CNTNAP5: variants seen among roughly 807,000 people sequenced by gnomAD.
CNTNAP5 encodes the protein contactin-associated protein-like 5.
In CNTNAP5, 72 loss-of-function variants were observed where a neutral mutation model predicts 150.2. The ratio of observed to expected loss-of-function variants is 0.48; its 90% CI spans 0.40 to 0.58. CNTNAP5 has a LOEUF of 0.58. Among genes scored for constraint, CNTNAP5 ranks in the 20% least tolerant of loss-of-function variants. The probability of loss-of-function intolerance (pLI) is 0.00; values close to 1 mark genes in which losing one functional copy is unlikely to be tolerated. For synonymous variants in CNTNAP5, 672 were observed against 619.8 expected (o/e 1.08, Z -1.25); for missense variants, 1,636 against 1,626.2 (o/e 1.01, Z -0.10).
chr2:124,913,647 GT>G (rs1213243600), intron 23 of CNTNAP5, among the ~76,000 whole-genome samples: 1 of 152,076 alleles, frequency 6.6e-6, no homozygotes, highest in Non-Finnish European at 1.5e-5. Flanking sequence ...GAGAGCATGT[GT>G]TAAGATGTGA....
At chr2:124,684,981 G>T (rs1191631989) in intron 13 of CNTNAP5, among the ~76,000 whole-genome samples, 1 of 152,082 alleles carries the variant, frequency 6.6e-6, no homozygotes, top group Non-Finnish European at 1.5e-5. Flanking sequence ...ACAGATGGTA[G>T]CCCTCAACAG....
chr2:124,350,492 T>C (rs1323940326), intron 3 of CNTNAP5, among the ~76,000 whole-genome samples: 2 of 151,738 alleles, frequency 1.3e-5, no homozygotes, highest in African/African-American at 2.4e-5. Flanking sequence ...TGGTCAGTTC[T>C]TACGCCTTCA....
chr2:124,786,542 G>A (rs1432108645), intron 17 of CNTNAP5, among the ~76,000 whole-genome samples: 1 of 147,490 alleles, frequency 6.8e-6, no homozygotes, highest in African/African-American at 2.6e-5. Flanking sequence ...AGGAAAGAAA[G>A]AGAAAGGAAA....
chr2:124,045,902 G>T (rs11689672), intron 1 of CNTNAP5, among the ~76,000 whole-genome samples: 11,606 of 152,210 alleles, frequency 0.076, 588 homozygotes, highest in Non-Finnish European at 0.12. Flanking sequence ...TTGTTTAAGA[G>T]GTGTTGTGAA....
chr2:124,865,250 CTT>C lies in CNTNAP5; in HGVS notation c.3218-54_3218-53del, dbSNP rs1677606822. ...CAATTAAAAGATAATCTGATCATGTCTTTGCATTTTATAGGTGCTGCTTTATA... is the reference window on the plus strand; with the variant it reads ...CAATTAAAAGATAATCTGATCATGTCTGCATTTTATAGGTGCTGCTTTATA... On this transcript the variant is annotated intron_variant, in intron 19 of 23. Transcript: ENST00000682447. 7.8e-6 allele frequency: 11 copies of C among 1,408,046 alleles called. No individual in the cohort carries two copies. The South Asian group carries it at 1.3e-4, about 17-fold the overall frequency. The allele number at this position is 1,408,046 out of a possible 1,614,324, so 87.2% of individuals were successfully genotyped here.
At chr2:124,906,375 T>G (rs894424006) in intron 22 of CNTNAP5, among the ~76,000 whole-genome samples, 3 of 152,144 alleles carry the variant, frequency 2.0e-5, no homozygotes, top group African/African-American at 2.4e-5. Context: ...AGATGTTTGA[T>G]AAAGCTCCCA....
At chr2:124,173,504 T>C (rs1163745625) in intron 1 of CNTNAP5, among the ~76,000 whole-genome samples, 1 of 152,206 alleles carries the variant, frequency 6.6e-6, no homozygotes, top group South Asian at 2.1e-4. Flanking sequence ...GCCTCGAAAA[T>C]GTTAGTAGTC....
chr2:124,320,405 T>C (rs1430247185), intron 3 of CNTNAP5, among the ~76,000 whole-genome samples: 1 of 152,174 alleles, frequency 6.6e-6, no homozygotes, highest in Non-Finnish European at 1.5e-5. Context: ...CTAATAGTAA[T>C]ATTGAAGAAC....
intron 6 of CNTNAP5, among the ~76,000 whole-genome samples, chr2:124,461,158 C>G (rs533789555): frequency 3.3e-5 from 5 of 152,014 alleles, no homozygotes; most frequent in African/African-American, 9.6e-5. Context: ...ACCATTTGAC[C>G]CAGCCATCCC....
intron 14 of CNTNAP5, among the ~76,000 whole-genome samples, chr2:124,760,314 G>T (rs1680930846): frequency 6.6e-6 from 1 of 151,784 alleles, no homozygotes; most frequent in South Asian, 2.1e-4. Context: ...GGACACAAAA[G>T]AGGGGAAAAA....
chr2:124,584,749 T>C (rs997676458), intron 11 of CNTNAP5, among the ~76,000 whole-genome samples: 6 of 152,244 alleles, frequency 3.9e-5, no homozygotes, highest in African/African-American at 1.4e-4. Flanking sequence ...GTATAATTAT[T>C]TCCAAGGATG....
intron 13 of CNTNAP5, among the ~76,000 whole-genome samples, chr2:124,659,548 A>G (rs1001922443): frequency 1.3e-5 from 2 of 152,152 alleles, no homozygotes; most frequent in African/African-American, 4.8e-5. Context: ...CGAAATAGCT[A>G]ACATATTGAC....
chr2:124,414,322 G>A (rs1691863001), intron 3 of CNTNAP5, among the ~76,000 whole-genome samples: 1 of 151,910 alleles, frequency 6.6e-6, no homozygotes, highest in Non-Finnish European at 1.5e-5. Flanking sequence ...CTTGGGGAGG[G>A]GCTGATTGTA....
chr2:124,716,034 C>T (rs1211819510), intron 13 of CNTNAP5, among the ~76,000 whole-genome samples: 1 of 152,130 alleles, frequency 6.6e-6, no homozygotes, highest in Non-Finnish European at 1.5e-5. Context: ...ACAGGTGAAG[C>T]TTCAAGCCCA....
intron 7 of CNTNAP5, among the ~76,000 whole-genome samples, chr2:124,476,120 G>A (rs1476727601): frequency 6.6e-6 from 1 of 151,980 alleles, no homozygotes; most frequent in Non-Finnish European, 1.5e-5. Flanking sequence ...CAATTTAGCT[G>A]ATATGTAGAA....
intron 7 of CNTNAP5, among the ~76,000 whole-genome samples, chr2:124,477,321 A>AT (rs1198415840): frequency 1.4e-4 from 21 of 152,218 alleles, no homozygotes; most frequent in Admixed American, 1.2e-3. Context: ...ATCTATAAGA[A>AT]TTTTTTTGTG....
intron 1 of CNTNAP5, among the ~76,000 whole-genome samples, chr2:124,188,388 A>G (rs1388016206): frequency 6.6e-6 from 1 of 152,178 alleles, no homozygotes; most frequent in East Asian, 1.9e-4. Flanking sequence ...AAGATTATAT[A>G]AGTTAACAGA....
chr2:124,561,098 G>T (rs1023105088), intron 10 of CNTNAP5, among the ~76,000 whole-genome samples: 1 of 151,770 alleles, frequency 6.6e-6, no homozygotes, highest in African/African-American at 2.4e-5. Flanking sequence ...GGAAATCTCT[G>T]TTTGTGTTTA....
intron 19 of CNTNAP5, among the ~76,000 whole-genome samples, chr2:124,810,563 G>A (rs1217271759): frequency 6.6e-6 from 1 of 152,152 alleles, no homozygotes; most frequent in Admixed American, 6.5e-5. Context: ...ACACAAGGGT[G>A]TGAATACCAG....
Sources: gnomAD v4.1 joint callset for allele counts (sites outside exome capture counted in the v4.1 genomes callset) on GRCh38, gnomAD v4.1.1 for gene constraint, MANE v1.5 for transcripts, NCBI Gene and HGNC (gene_info 2026-07-23, HGNC 2026-07-21) for gene names.